The following PCDHA13 variants were observed in gnomAD, a reference collection of about 807,000 sequenced individuals.
PCDHA13 encodes the protein protocadherin alpha 13.
Under a neutral mutation model 64.8 loss-of-function variants are expected in PCDHA13, and 54 were observed. The observed-to-expected ratio is 0.83, with a 90% CI of 0.67 to 1.04. PCDHA13 has a LOEUF of 1.04. Among genes scored for constraint, PCDHA13 ranks in the 50% least tolerant of loss-of-function variants. The probability of loss-of-function intolerance (pLI) is 0.00; values close to 1 mark genes in which losing one functional copy is unlikely to be tolerated. For synonymous variants in PCDHA13, 587 were observed against 564.4 expected, an observed-to-expected ratio of 1.04 and a Z score of -0.57; for missense variants, 1,248 against 1,254.3, an observed-to-expected ratio of 0.99 and a Z score of 0.08.
At chr5:140,940,349 C>T (rs1437069133) in intron 1 of PCDHA13, among the ~76,000 whole-genome samples, 14 of 152,156 alleles carry the variant, frequency 9.2e-5, no homozygotes, top group African/African-American at 2.9e-4. Flanking sequence ...GTGTGTCCAA[C>T]ATGCTATTAA....
At position 140,933,888 on chromosome 5, in the gene PCDHA13, T is replaced by C. The variant is rs148048721; in HGVS notation, c.2395-45061T>C. On this transcript the variant is annotated intron_variant, in intron 1 of 3. Transcript: ENST00000289272. ...ATATATGTTAGTTTTATCTGTACTTTTGAATATTTTGGCATAAAGTTGTTT... is the reference window on the plus strand; with the variant it reads ...ATATATGTTAGTTTTATCTGTACTTCTGAATATTTTGGCATAAAGTTGTTT... Among the ~76,000 whole-genome samples the C allele has an allele frequency of 7.7e-3, 1,170 of 152,222 alleles. 4 individuals are homozygous for C. Among genetic ancestry groups the C allele is most frequent in the Admixed American group, 0.013 (200 of 15,288 alleles).
chr5:140,941,475 C>T (rs1554214513), intron 1 of PCDHA13, among the ~76,000 whole-genome samples: 1 of 151,578 alleles, frequency 6.6e-6, no homozygotes, highest in Non-Finnish European at 1.5e-5. Context: ...ACCACCACGC[C>T]TGGCTAATTT....
intron 1 of PCDHA13, among the ~76,000 whole-genome samples, chr5:140,942,271 A>G (rs1421470016): frequency 6.6e-6 from 1 of 152,184 alleles, no homozygotes; most frequent in Non-Finnish European, 1.5e-5. Context: ...AAAGCTGGTA[A>G]TGGTGGCTCA....
At chr5:141,003,982 G>A (rs914206731) in intron 3 of PCDHA13, among the ~76,000 whole-genome samples, 25 of 152,152 alleles carry the variant, frequency 1.6e-4, no homozygotes, top group African/African-American at 5.6e-4. Flanking sequence ...GGGACTTGCC[G>A]GAGATCCTAG....
At chr5:140,941,852 T>G (rs1254913265) in intron 1 of PCDHA13, among the ~76,000 whole-genome samples, 2 of 152,236 alleles carry the variant, frequency 1.3e-5, no homozygotes, top group Non-Finnish European at 2.9e-5. Context: ...TTACCTGATA[T>G]TCCCTATCAT....
intron 1 of PCDHA13, among the ~76,000 whole-genome samples, chr5:140,944,240 T>C (rs374307364): frequency 2.1e-4 from 32 of 152,316 alleles, no homozygotes; most frequent in African/African-American, 7.5e-4. Flanking sequence ...CAGGCTGGAG[T>C]GCAGTGATGT....
At chr5:140,898,972 C>G (rs1180112967) in intron 1 of PCDHA13, among the ~76,000 whole-genome samples, 2 of 151,980 alleles carry the variant, frequency 1.3e-5, no homozygotes, top group African/African-American at 4.8e-5. Flanking sequence ...GGAGTTCACT[C>G]ATGATTTGGC....
intron 1 of PCDHA13, among the ~76,000 whole-genome samples, chr5:140,939,697 A>G (rs1327140175): frequency 6.6e-6 from 1 of 152,232 alleles, no homozygotes; most frequent in African/African-American, 2.4e-5. Context: ...GCTGGACATT[A>G]TCATTTGTGA....
In PCDHA13 at chr5:140,903,563, T is replaced by C. The variant is rs1459855021; in HGVS notation, c.2394+18901T>C. ...CAAGAAACTTTTCTAATAAGTGGAA[T>C]TGGGAGCTGTCTAGCTGGTGTTGGC... On this transcript the variant is annotated intron_variant, in intron 1 of 3. Transcript: ENST00000289272. Among the ~76,000 whole-genome samples the C allele has an allele frequency of 2.6e-5, 4 of 152,208 alleles. No individual in the cohort carries two copies. In the East Asian group the frequency reaches 5.8e-4, roughly 22 times the overall value.
intron 1 of PCDHA13, among the ~76,000 whole-genome samples, chr5:140,945,071 C>A (rs246061): frequency 0.56 from 85,726 of 151,850 alleles, 24,797 homozygotes; most frequent in African/African-American, 0.69. Context: ...CAGACTCCAC[C>A]AAAACACTCT....
intron 1 of PCDHA13, among the ~76,000 whole-genome samples, chr5:140,937,072 C>G (rs1321046541): frequency 7.0e-6 from 1 of 143,792 alleles, no homozygotes; most frequent in East Asian, 2.0e-4. Flanking sequence ...GAGTCTCGCT[C>G]TGTCGCCCAG....
At chr5:140,928,056 G>T (rs183490994) in intron 1 of PCDHA13, 1 of 1,614,154 alleles carries the variant, frequency 6.2e-7, no homozygotes, top group Admixed American at 1.7e-5. Flanking sequence ...TTCAGCTGAC[G>T]GCTTCCTTTG....
Position 140,892,511 on chromosome 5 carries a change from C to T in PCDHA13, c.2394+7849C>T, listed in dbSNP as rs115588708. Among the ~76,000 whole-genome samples the T allele has an allele frequency of 8.0e-3, 1,214 of 152,282 alleles. 6 individuals carry two copies. Among genetic ancestry groups the T allele is most frequent in the African/African-American group, 0.019 (784 of 41,558 alleles). On this transcript the variant is annotated intron_variant, in intron 1 of 3. Coordinates refer to ENST00000289272, the MANE Select transcript of PCDHA13 (RefSeq NM_018904.3). ...TGAGAGATTGTTTAAGAAGTTCCAC[C>T]ATGACTGGTAGACTCAGGATTCTGA...
chr5:140,890,192 T>G (rs2062533503), intron 1 of PCDHA13, among the ~76,000 whole-genome samples: 1 of 151,744 alleles, frequency 6.6e-6, no homozygotes, highest in South Asian at 2.1e-4. Flanking sequence ...CAAAACAGAG[T>G]TTTTTGTTTT....
rs782422692 is a variant in PCDHA13, at chr5:140,883,416, G to A, written c.1148G>A (p.Gly383Glu). ...SVSDRDSGSN[G>E]QVTCTLTPHV... Reference sequence around the variant, plus strand: ...TCCGATCGTGACTCTGGCTCAAATGGACAGGTCACCTGCACCTTGACGCCG... The same window carrying A: ...TCCGATCGTGACTCTGGCTCAAATGAACAGGTCACCTGCACCTTGACGCCG... Residue 383 changes from glycine to glutamate, a missense_variant, in exon 1 of 4, where the codon GGA becomes GAA. By Grantham distance (98) the Gly-to-Glu change is moderately conservative (BLOSUM62 -2). Coordinates refer to ENST00000289272, the MANE Select transcript of PCDHA13 (RefSeq NM_018904.3). 1.9e-6 allele frequency: 3 copies of A among 1,614,158 alleles called. No individual in the cohort carries two copies. Among genetic ancestry groups the A allele is most frequent in the East Asian group, 2.2e-5 (1 of 44,866 alleles).
Position 140,962,028 on chromosome 5 carries a change from C to A in PCDHA13, c.2395-16921C>A, listed in dbSNP as rs1046578713. Among the ~76,000 whole-genome samples the A allele has an allele frequency of 5.9e-5, 9 of 152,036 alleles. No individual in the cohort carries two copies. In the South Asian group the frequency reaches 1.7e-3, roughly 28 times the overall value. The stretch of plus-strand genomic sequence containing the variant: ...CTTCCCGAGTAGCTGGGACTACAGG[C>A]ACCCACCACCATGCCTGGCTAATTT... On this transcript the variant is annotated intron_variant, in intron 1 of 3. Transcript: ENST00000289272.
chr5:140,926,791 G>A, intron 1 of PCDHA13: 6 of 1,439,200 alleles, frequency 4.2e-6, no homozygotes, highest in East Asian at 2.5e-5. Context: ...GCCGGCAGGA[G>A]CGTGCTCTTC....
At chr5:140,910,311 A>G (rs928675389) in intron 1 of PCDHA13, among the ~76,000 whole-genome samples, 4 of 152,224 alleles carry the variant, frequency 2.6e-5, no homozygotes, top group African/African-American at 9.6e-5. Context: ...AGAGATCTAC[A>G]TGAGTCAGAC....
chr5:140,887,120 G>A (rs2061314160), intron 1 of PCDHA13, among the ~76,000 whole-genome samples: 1 of 148,878 alleles, frequency 6.7e-6, no homozygotes, highest in African/African-American at 2.5e-5. Context: ...TTTTTGAGAC[G>A]GAGTCTCACT....
Sources: allele counts gnomAD v4.1 joint callset (sites outside exome capture counted in the v4.1 genomes callset), GRCh38; gene constraint gnomAD v4.1.1; transcripts MANE v1.5; gene names NCBI Gene and HGNC (gene_info 2026-07-23, HGNC 2026-07-21).